The following DMRT1 variants were observed in gnomAD, a reference collection of about 807,000 sequenced individuals.
DMRT1 encodes the protein doublesex and mab-3 related transcription factor 1.
DMRT1 carries 7 observed loss-of-function variants against 32.3 expected under a neutral mutation model. The observed-to-expected ratio is 0.22, with a 90% CI of 0.12 to 0.41. The LOEUF is 0.41. Ranked by LOEUF, DMRT1 falls within the 10% of genes least tolerant of loss-of-function variation. The pLI, the probability that DMRT1 is intolerant of heterozygous loss-of-function variation, is 1.00. For synonymous variants in DMRT1, 278 were observed against 206.1 expected (o/e 1.35, Z -2.99); for missense variants, 625 against 500.5 (o/e 1.25, Z -2.37).
intron 4 of DMRT1, among the ~76,000 whole-genome samples, chr9:955,008 A>G (rs1328411195): frequency 6.6e-6 from 1 of 152,208 alleles, no homozygotes; most frequent in Non-Finnish European, 1.5e-5. Flanking sequence ...ATACATTGTG[A>G]AGTCATTTGC....
rs1299446391 is a variant in DMRT1, at chr9:965,265, C to A, written c.968-2720C>A. 1.3e-5 allele frequency among the ~76,000 whole-genome samples: 2 copies of A among 152,148 alleles called. No individual in the cohort carries two copies. The highest frequency in any genetic ancestry group is 4.8e-5 in the African/African-American group (2 of 41,442). On this transcript the variant is annotated intron_variant, in intron 4 of 4. Transcript: ENST00000382276. The surrounding 1 kb of genome is among the most constrained non-coding windows in gnomAD (Gnocchi z 4.5). The stretch of plus-strand genomic sequence containing the variant: ...ACTTCAACAGCCTATTATTTAAAAA[C>A]AATGCTAAGCCTTGAACAAATGTAA...
intron 3 of DMRT1, among the ~76,000 whole-genome samples, chr9:909,180 CAAAAG>C (rs753088136): frequency 1.1e-4 from 17 of 152,028 alleles, no homozygotes; most frequent in Non-Finnish European, 2.1e-4. Context: ...GCTCTGGACA[CAAAAG>C]GAAAGGAAGT....
chr9:904,882 C>T (rs910887732), intron 3 of DMRT1, among the ~76,000 whole-genome samples: 2 of 147,430 alleles, frequency 1.4e-5, no homozygotes, highest in African/African-American at 2.5e-5. Flanking sequence ...GCGTAGGTTG[C>T]GGTGAGCCGA....
intron 2 of DMRT1, among the ~76,000 whole-genome samples, chr9:860,638 T>C (rs373677951): frequency 2.6e-5 from 4 of 152,210 alleles, no homozygotes; most frequent in African/African-American, 9.6e-5. Flanking sequence ...AGTACATCAA[T>C]AAATAAGATA....
intron 2 of DMRT1, among the ~76,000 whole-genome samples, chr9:857,490 G>C (rs1437750390): frequency 1.3e-5 from 2 of 152,224 alleles, no homozygotes; most frequent in South Asian, 4.1e-4. Context: ...TTATTGGTTG[G>C]TAGAAATATT....
intron 2 of DMRT1, among the ~76,000 whole-genome samples, chr9:884,431 A>G (rs12380148): frequency 0.75 from 113,179 of 151,396 alleles, 42,602 homozygotes; most frequent in African/African-American, 0.82. Flanking sequence ...ATGTGCAGAA[A>G]GTAAACGGGT....
intron 4 of DMRT1, among the ~76,000 whole-genome samples, chr9:949,282 C>A (rs1004410432): frequency 6.6e-6 from 1 of 151,966 alleles, no homozygotes; most frequent in Non-Finnish European, 1.5e-5. Context: ...AGGAGGATCT[C>A]GCTTGAGCCC....
chr9:890,659 C>G (rs923950067), intron 2 of DMRT1, among the ~76,000 whole-genome samples: 6 of 152,162 alleles, frequency 3.9e-5, no homozygotes, highest in Non-Finnish European at 8.8e-5. Context: ...CTGGAAATTT[C>G]TCTCATGAGC....
At chr9:894,287 A>T in intron 3 of DMRT1, 92 bp downstream of exon 3, 1 of 1,392,454 alleles carries the variant, frequency 7.2e-7, no homozygotes, top group Non-Finnish European at 1.0e-6. Context: ...GCACACACGC[A>T]CTTGTGCGCC....
intron 3 of DMRT1, among the ~76,000 whole-genome samples, chr9:916,103 A>G (rs1312555766): frequency 6.6e-6 from 1 of 152,240 alleles, no homozygotes; most frequent in African/African-American, 2.4e-5. Context: ...AGTTTTGCAC[A>G]TGAAGAAACA....
chr9:951,401 T>G (rs2129956166), intron 4 of DMRT1, among the ~76,000 whole-genome samples: 1 of 152,302 alleles, frequency 6.6e-6, no homozygotes, highest in South Asian at 2.1e-4. Context: ...CAAGAATGCG[T>G]CTTTTCTGTA....
At chr9:921,351 T>A (rs989820136) in intron 4 of DMRT1, among the ~76,000 whole-genome samples, 5 of 152,242 alleles carry the variant, frequency 3.3e-5, no homozygotes, top group African/African-American at 1.2e-4. Context: ...TATCATTCCA[T>A]AGTATGGATG....
rs371851250 is a variant in DMRT1, at chr9:852,836, G to C, written c.538+5693G>C. 5.3e-5 allele frequency among the ~76,000 whole-genome samples: 8 copies of C among 152,304 alleles called. No homozygotes were observed. In the East Asian group the frequency reaches 9.6e-4, roughly 18 times the overall value. ...TTTCCCCTGTTAGAAGGATCAGTCA[G>C]GTCTGTGTCTAATATTGAAGGGGCC... On this transcript the variant is annotated intron_variant, in intron 2 of 4. Coordinates refer to ENST00000382276, the MANE Select transcript of DMRT1 (RefSeq NM_021951.3).
At chr9:904,980 C>A (rs111494018) in intron 3 of DMRT1, among the ~76,000 whole-genome samples, 8 of 150,680 alleles carry the variant, frequency 5.3e-5, no homozygotes, top group African/African-American at 1.9e-4. Flanking sequence ...TTCTCTTATT[C>A]CTGTTTCGAT....
At chr9:918,561 AAAG>A (rs543282022) in intron 4 of DMRT1, among the ~76,000 whole-genome samples, 1 of 152,184 alleles carries the variant, frequency 6.6e-6, no homozygotes, top group Non-Finnish European at 1.5e-5. Flanking sequence ...GCTCACAGGG[AAAG>A]AAGAATAGGT....
chr9:954,210 G>C (rs529362105), intron 4 of DMRT1, among the ~76,000 whole-genome samples: 2 of 152,246 alleles, frequency 1.3e-5, no homozygotes, highest in East Asian at 3.9e-4. Flanking sequence ...AGGGAGCTTG[G>C]ACCTTTGCAG....
intron 4 of DMRT1, among the ~76,000 whole-genome samples, chr9:928,086 T>C (rs758449306): frequency 2.0e-5 from 3 of 152,218 alleles, no homozygotes; most frequent in African/African-American, 7.2e-5. Context: ...TAGTGTTATC[T>C]TGAAAGATGC....
chr9:855,439 C>G (rs1032782125), intron 2 of DMRT1, among the ~76,000 whole-genome samples: 1 of 152,154 alleles, frequency 6.6e-6, no homozygotes, highest in African/African-American at 2.4e-5. Context: ...CTGTATAGTA[C>G]AGTACCTGGC....
intron 4 of DMRT1, among the ~76,000 whole-genome samples, chr9:936,660 A>G (rs12001229): frequency 0.2 from 30,291 of 151,570 alleles, 4,662 homozygotes; most frequent in African/African-American, 0.43. Context: ...GGCTGAGGCA[A>G]TGAGAATCGC....
Sources: gnomAD v4.1 joint callset for allele counts (sites outside exome capture counted in the v4.1 genomes callset) on GRCh38, gnomAD v4.1.1 for gene constraint, Gnocchi (gnomAD v3.1) non-coding constraint, MANE v1.5 for transcripts, NCBI Gene and HGNC (gene_info 2026-07-23, HGNC 2026-07-21) for gene names.